UVRAG: variants seen among roughly 807,000 people sequenced by gnomAD.
UVRAG encodes the protein UV radiation resistance associated.
A neutral mutation model predicts 78.0 loss-of-function variants in UVRAG; 19 were observed. That is an observed-to-expected ratio of 0.24 (90% CI 0.17 to 0.36). The LOEUF (loss-of-function observed/expected upper bound fraction) is 0.36, where lower values mean the gene tolerates loss of function less well. Among genes scored for constraint, UVRAG ranks in the 10% least tolerant of loss-of-function variants. The pLI, the probability that UVRAG is intolerant of heterozygous loss-of-function variation, is 1.00. For synonymous variants in UVRAG, 323 were observed against 324.6 expected, an observed-to-expected ratio of 1.00 and a Z score of 0.05; for missense variants, 740 against 853.8, an observed-to-expected ratio of 0.87 and a Z score of 1.66.
At position 76,068,747 on chromosome 11, in the gene UVRAG, G is replaced by A. The variant is rs149969486; in HGVS notation, c.1305+2959G>A. ...TTTCACGTTTTGATTTGTAACAAATGAAAGAACCATTAATTGTTATGGCTC... is the reference window on the plus strand; with the variant it reads ...TTTCACGTTTTGATTTGTAACAAATAAAAGAACCATTAATTGTTATGGCTC... On this transcript the variant is annotated intron_variant, in intron 13 of 14. Transcript: ENST00000356136. 5.2e-3 allele frequency among the ~76,000 whole-genome samples: 798 copies of A among 152,284 alleles called. 6 individuals are homozygous for A. The highest frequency in any genetic ancestry group is 8.9e-3 in the Admixed American group (136 of 15,306).
chr11:75,866,911 G>A (rs1946552042), intron 3 of UVRAG, among the ~76,000 whole-genome samples: 1 of 152,196 alleles, frequency 6.6e-6, no homozygotes, highest in African/African-American at 2.4e-5. Flanking sequence ...CTTATGAGTT[G>A]TGATTCAATT....
At chr11:76,057,073 C>T (rs1212841539) in intron 12 of UVRAG, among the ~76,000 whole-genome samples, 1 of 152,180 alleles carries the variant, frequency 6.6e-6, no homozygotes, top group African/African-American at 2.4e-5. Flanking sequence ...ATAGTGAGTG[C>T]CAAGGAGAAT....
intron 2 of UVRAG, among the ~76,000 whole-genome samples, chr11:75,858,821 T>C (rs545465726): frequency 9.3e-4 from 142 of 152,328 alleles, no homozygotes; most frequent in African/African-American, 3.3e-3. Flanking sequence ...TAAGTTTGTA[T>C]TTCTCCTATT....
At chr11:75,983,266 T>C (rs1949429235) in intron 7 of UVRAG, 121 bp from the exon 8 acceptor site, 2 of 869,608 alleles carry the variant, frequency 2.3e-6, no homozygotes, top group Non-Finnish European at 3.3e-6. Flanking sequence ...AAGAGTTCCA[T>C]AAGTTTGATG....
At position 76,127,053 on chromosome 11, in the gene UVRAG, T is replaced by A. The variant is rs563931552; in HGVS notation, c.1397+11038T>A. ...CCCTTCTTCACTGTAATATACAAAG[T>A]GTGTATTGTATTCAGAGCACCATGG... On this transcript the variant is annotated intron_variant, in intron 14 of 14. Coordinates refer to ENST00000356136, the MANE Select transcript of UVRAG (RefSeq NM_003369.4). Among the ~76,000 whole-genome samples the A allele has an allele frequency of 5.9e-5, 9 of 152,272 alleles. No individual in the cohort carries two copies. In the East Asian group the frequency reaches 1.7e-3, roughly 29 times the overall value.
At chr11:76,085,495 A>G (rs903650371) in intron 13 of UVRAG, among the ~76,000 whole-genome samples, 2 of 152,198 alleles carry the variant, frequency 1.3e-5, no homozygotes, top group Non-Finnish European at 2.9e-5. Flanking sequence ...CAAACACACT[A>G]CTTAGTTCAG....
At chr11:76,080,491 T>C in intron 13 of UVRAG, among the ~76,000 whole-genome samples, 1 of 152,052 alleles carries the variant, frequency 6.6e-6, no homozygotes, top group South Asian at 2.1e-4. Flanking sequence ...CACATATTGC[T>C]TTTATAATAG....
At chr11:75,870,501 C>T (rs1481071727) in intron 3 of UVRAG, among the ~76,000 whole-genome samples, 2 of 152,138 alleles carry the variant, frequency 1.3e-5, no homozygotes, top group Non-Finnish European at 2.9e-5. Context: ...TTATTTTCTG[C>T]TTTTTCTGAT....
In UVRAG at chr11:76,112,475, C is replaced by G. The variant is rs138375747; in HGVS notation, c.1306-3449C>G. The stretch of plus-strand genomic sequence containing the variant: ...ACTCCACCAAGATGAGGCAGTAGAT[C>G]AAGAAAGAAGACAATCTAGGAAATA... On this transcript the variant is annotated intron_variant, in intron 13 of 14. Transcript: ENST00000356136. Among the ~76,000 whole-genome samples the G allele has an allele frequency of 4.9e-3, 746 of 152,070 alleles. 4 individuals carry two copies. Among genetic ancestry groups the G allele is most frequent in the African/African-American group, 0.017 (718 of 41,474 alleles).
rs561670244 is a variant in UVRAG at position 75,902,676 on chromosome 11, AT to A, written c.508-9270del. Among the ~76,000 whole-genome samples the A allele has an allele frequency of 1.3e-3, 199 of 151,658 alleles. 1 individual carries two copies. Among genetic ancestry groups the A allele is most frequent in the Non-Finnish European group, 2.2e-3 (148 of 67,854 alleles). On this transcript the variant is annotated intron_variant, in intron 5 of 14. Coordinates refer to ENST00000356136, the MANE Select transcript of UVRAG (RefSeq NM_003369.4). ...CCTCAAATTTTATAGTTAAGTGTTG[AT>A]TTTTTTTAATTTTATCCATTCTATT...
intron 1 of UVRAG, among the ~76,000 whole-genome samples, chr11:75,833,241 A>C (rs1945700568): frequency 6.6e-6 from 1 of 152,172 alleles, no homozygotes; most frequent in South Asian, 2.1e-4. Context: ...ATCCTGGTCC[A>C]GCCATTTCCT....
intron 12 of UVRAG, among the ~76,000 whole-genome samples, chr11:76,038,936 C>T (rs542893164): frequency 6.6e-6 from 1 of 152,334 alleles, no homozygotes; most frequent in African/African-American, 2.4e-5. Flanking sequence ...CTGAGCTACA[C>T]ATGAGAAGCC....
intron 6 of UVRAG, among the ~76,000 whole-genome samples, chr11:75,956,123 C>T (rs1226081390): frequency 6.6e-6 from 1 of 152,008 alleles, no homozygotes; most frequent in African/African-American, 2.4e-5. Flanking sequence ...TGGTGTGTTC[C>T]TTTTTATTGC....
intron 13 of UVRAG, among the ~76,000 whole-genome samples, chr11:76,088,957 C>T (rs1951644896): frequency 1.3e-5 from 2 of 152,224 alleles, no homozygotes; most frequent in African/African-American, 4.8e-5. Context: ...GAGGTTCATT[C>T]ATCTCTTTAT....
chr11:75,981,312 A>G (rs893508199), intron 7 of UVRAG, among the ~76,000 whole-genome samples: 50 of 151,888 alleles, frequency 3.3e-4, no homozygotes, highest in African/African-American at 1.1e-3. Flanking sequence ...GGGTTTCACT[A>G]TGTTGGCCAG....
chr11:75,856,139 G>A lies in UVRAG; in HGVS notation c.235+4139G>A, dbSNP rs371812809. The stretch of plus-strand genomic sequence containing the variant: ...CGAGTAGCTGGGACTACAGGCATCC[G>A]CCACCACGCCCAGCTAATTTTTTGT... On this transcript the variant is annotated intron_variant, in intron 2 of 14. Transcript: ENST00000356136. Among the ~76,000 whole-genome samples the A allele has an allele frequency of 2.7e-5, 4 of 150,466 alleles. No individual in the cohort carries two copies. In the South Asian group the frequency reaches 8.4e-4, roughly 32 times the overall value.
intron 5 of UVRAG, among the ~76,000 whole-genome samples, chr11:75,908,171 G>T (rs1368184411): frequency 6.6e-6 from 1 of 152,084 alleles, no homozygotes; most frequent in Non-Finnish European, 1.5e-5. Context: ...ATGAATGAAT[G>T]AATGTTTTTC....
intron 2 of UVRAG, among the ~76,000 whole-genome samples, chr11:75,859,705 AT>A (rs1946377220): frequency 6.6e-6 from 1 of 151,974 alleles, no homozygotes; most frequent in Non-Finnish European, 1.5e-5. Flanking sequence ...TTAACTCTAC[AT>A]TCACTCATTT....
chr11:76,070,753 G>A (rs1026012636), intron 13 of UVRAG, among the ~76,000 whole-genome samples: 1 of 152,118 alleles, frequency 6.6e-6, no homozygotes, highest in Non-Finnish European at 1.5e-5. Flanking sequence ...GACACAAAAG[G>A]ACAAATATTG....
Sources: gnomAD v4.1 joint callset for allele counts (sites outside exome capture counted in the v4.1 genomes callset) on GRCh38, gnomAD v4.1.1 for gene constraint, MANE v1.5 for transcripts, NCBI Gene and HGNC (gene_info 2026-07-23, HGNC 2026-07-21) for gene names.